Variants in MEGF6 observed in about 807,000 individuals in gnomAD.
MEGF6 encodes the protein multiple epidermal growth factor-like domains protein 6.
Under a neutral mutation model 207.1 loss-of-function variants are expected in MEGF6, and 184 were observed. The observed-to-expected ratio is 0.89, with a 90% CI of 0.79 to 1.00. The LOEUF is 1.00. Among genes scored for constraint, MEGF6 ranks in the 50% least tolerant of loss-of-function variants. The pLI is 0.00. For synonymous variants in MEGF6, 1,038 were observed against 910.0 expected (o/e 1.14, Z -2.53); for missense variants, 2,282 against 2,202.9 (o/e 1.04, Z -0.72).
intron 6 of MEGF6, 83 bp downstream of exon 6, chr1:3,515,319 C>A: frequency 6.7e-7 from 1 of 1,494,564 alleles, no homozygotes; most frequent in Non-Finnish European, 9.0e-7. Context: ...CTCCTGAAGA[C>A]CCACTTCCAC....
At chr1:3,529,126 C>T (rs1166803647) in intron 4 of MEGF6, among the ~76,000 whole-genome samples, 1 of 152,180 alleles carries the variant, frequency 6.6e-6, no homozygotes, top group Non-Finnish European at 1.5e-5. Context: ...TGGGTTCCCT[C>T]CTTTGCAGAC....
intron 1 of MEGF6, among the ~76,000 whole-genome samples, chr1:3,605,861 G>A (rs1426392699): frequency 6.6e-6 from 1 of 152,194 alleles, no homozygotes; most frequent in South Asian, 2.1e-4. Context: ...CGGAGGCCGT[G>A]CCCACTCTCT....
chr1:3,500,539 A>G, intron 21 of MEGF6, 94 bp downstream of exon 21: 1 of 1,442,678 alleles, frequency 6.9e-7, no homozygotes, highest in Non-Finnish European at 9.2e-7. Flanking sequence ...TGCAGGAGGG[A>G]GTACGGTCAA....
chr1:3,560,933 A>T lies in MEGF6; in HGVS notation c.481+18892T>A, dbSNP rs111824684. ...CTCTACTACCCTCTGGCACACATCC[A>T]TCTAGTGCCCCAGGGGCTTCGGAGG... is the stretch of plus-strand genomic sequence containing the variant. On this transcript the variant is annotated intron_variant, in intron 4 of 36. Coordinates refer to ENST00000356575, the MANE Select transcript of MEGF6 (RefSeq NM_001409.4). The surrounding 1 kb of genome is among the most constrained non-coding windows in gnomAD (Gnocchi z 4.0). 2.7e-6 allele frequency: 1 copy of T among 373,522 alleles called. No individual in the cohort carries two copies. Among genetic ancestry groups the T allele is most frequent in the Admixed American group, 4.1e-5 (1 of 24,112 alleles). 23.1% of individuals were successfully genotyped at this position (373,522 alleles called of 1,614,324 possible). A position where few individuals can be genotyped will look rare whatever the true frequency, so the allele number is the denominator to read the frequency against.
At chr1:3,595,621 G>A (rs1644051312) in intron 2 of MEGF6, among the ~76,000 whole-genome samples, 174 bp from the exon 3 acceptor site, 1 of 152,192 alleles carries the variant, frequency 6.6e-6, no homozygotes, top group African/African-American at 2.4e-5. Context: ...AGGTTCTTCT[G>A]AACGAGGGGG....
At chr1:3,586,727 G>T (rs1345391218) in intron 3 of MEGF6, among the ~76,000 whole-genome samples, 1 of 152,196 alleles carries the variant, frequency 6.6e-6, no homozygotes, top group Admixed American at 6.5e-5. Context: ...GGCGGCCCGG[G>T]GTCCACAGAG....
intron 5 of MEGF6, among the ~76,000 whole-genome samples, chr1:3,517,008 C>A (rs547899236): frequency 6.6e-6 from 1 of 152,362 alleles, no homozygotes; most frequent in South Asian, 2.1e-4. Flanking sequence ...GCCCCCAGGC[C>A]CGGCCTGCCT....
At chr1:3,559,895 C>T (rs1643142628) in intron 4 of MEGF6, among the ~76,000 whole-genome samples, 2 of 151,872 alleles carry the variant, frequency 1.3e-5, no homozygotes, top group Non-Finnish European at 2.9e-5. Context: ...CCTATAATCC[C>T]AGCTACTCGG....
chr1:3,539,101 T>C (rs1374794702), intron 4 of MEGF6, among the ~76,000 whole-genome samples: 2 of 151,470 alleles, frequency 1.3e-5, no homozygotes, highest in East Asian at 3.9e-4. Flanking sequence ...GGGTGAGGGG[T>C]AGAGGATCAG....
chr1:3,564,993 A>T (rs922069477), intron 4 of MEGF6, among the ~76,000 whole-genome samples: 1 of 151,978 alleles, frequency 6.6e-6, no homozygotes, highest in Non-Finnish European at 1.5e-5. Flanking sequence ...GGCAGGCACC[A>T]CCGCTGAATT....
At chr1:3,581,167 A>G (rs1434348103) in intron 3 of MEGF6, among the ~76,000 whole-genome samples, 1 of 152,160 alleles carries the variant, frequency 6.6e-6, no homozygotes, top group Non-Finnish European at 1.5e-5. Flanking sequence ...GTTTACAGAT[A>G]TGCCCAAGGC....
chr1:3,582,520 C>T (rs1643824082), intron 3 of MEGF6, among the ~76,000 whole-genome samples: 1 of 152,226 alleles, frequency 6.6e-6, no homozygotes, highest in Non-Finnish European at 1.5e-5. Context: ...TAGCCGGCCC[C>T]AGCTTCTCCT....
chr1:3,538,170 C>T (rs1183310391), intron 4 of MEGF6, among the ~76,000 whole-genome samples: 1 of 152,254 alleles, frequency 6.6e-6, no homozygotes, highest in African/African-American at 2.4e-5. Flanking sequence ...CGTTGACCTC[C>T]AGAGCCCAGC....
chr1:3,522,272 C>T (rs1641782298), intron 5 of MEGF6, among the ~76,000 whole-genome samples: 1 of 152,104 alleles, frequency 6.6e-6, no homozygotes, highest in Non-Finnish European at 1.5e-5. Context: ...TCACCTGGGC[C>T]CTCCATGGGG....
intron 3 of MEGF6, among the ~76,000 whole-genome samples, chr1:3,593,571 C>T (rs1179970257): frequency 1.3e-5 from 2 of 151,786 alleles, no homozygotes; most frequent in African/African-American, 4.8e-5. Flanking sequence ...GGCTGGCAGC[C>T]CCACTTCCTC....
chr1:3,507,046 G>A (rs1193864987), intron 14 of MEGF6, among the ~76,000 whole-genome samples: 1 of 152,212 alleles, frequency 6.6e-6, no homozygotes, highest in Non-Finnish European at 1.5e-5. Context: ...AGAAAGGGCA[G>A]ACAAAGTGGG....
chr1:3,602,762 C>T (rs897057415), intron 1 of MEGF6, among the ~76,000 whole-genome samples, 162 bp from the exon 2 acceptor site: 2 of 152,200 alleles, frequency 1.3e-5, no homozygotes, highest in Non-Finnish European at 2.9e-5. Context: ...CCAGGCCAGC[C>T]GTGGGACCCA....
intron 3 of MEGF6, among the ~76,000 whole-genome samples, chr1:3,592,716 C>G (rs1643999473): frequency 6.6e-6 from 1 of 152,220 alleles, no homozygotes; most frequent in Non-Finnish European, 1.5e-5. Context: ...CCACCGCCCC[C>G]CTCACTTGCT....
At chr1:3,593,610 C>CTA (rs1333367783) in intron 3 of MEGF6, among the ~76,000 whole-genome samples, 2 of 152,006 alleles carry the variant, frequency 1.3e-5, no homozygotes, top group Non-Finnish European at 2.9e-5. Flanking sequence ...TCCAAGCTGC[C>CTA]TATTGTTTCC....
Sources: gnomAD v4.1 joint callset for allele counts (sites outside exome capture counted in the v4.1 genomes callset) on GRCh38, gnomAD v4.1.1 for gene constraint, Gnocchi (gnomAD v3.1) non-coding constraint, MANE v1.5 for transcripts, NCBI Gene and HGNC (gene_info 2026-07-23, HGNC 2026-07-21) for gene names.